HMGXB4: variants seen among roughly 807,000 people sequenced by gnomAD.
HMGXB4 encodes HMG domain-containing protein 4.
Under a neutral mutation model 63.9 loss-of-function variants are expected in HMGXB4, and 27 were observed. That is an observed-to-expected ratio of 0.42 (90% confidence interval 0.31 to 0.58). The LOEUF is 0.58. Among genes scored for constraint, HMGXB4 ranks in the 20% least tolerant of loss-of-function variants. The pLI, the probability that HMGXB4 is intolerant of heterozygous loss-of-function variation, is 0.13. For missense variants in HMGXB4, 624 were observed against 700.7 expected, an observed-to-expected ratio of 0.89 and a Z score of 1.24; for synonymous variants, 264 against 265.3, an observed-to-expected ratio of 0.99 and a Z score of 0.05.
rs1159851529 is a variant in HMGXB4 at position 35,295,132 on chromosome 22, T to G, written c.*1481T>G. On this transcript the variant is annotated 3_prime_UTR_variant, in exon 11 of 11. Coordinates refer to ENST00000216106, the MANE Select transcript of HMGXB4 (RefSeq NM_001003681.3). Reference sequence around the variant, plus strand: ...ACCAAGCTCTGAGTTAACTGTGCTTTCTTCTCCTGGCCCTGACAGAGCACT... The same window carrying G: ...ACCAAGCTCTGAGTTAACTGTGCTTGCTTCTCCTGGCCCTGACAGAGCACT... 2 of 152,222 alleles carry G rather than the reference T, an allele frequency of 1.3e-5. No individual in the cohort carries two copies. The highest frequency in any genetic ancestry group is 4.8e-5 in the African/African-American group (2 of 41,458). 9.4% of individuals were successfully genotyped at this position (152,222 alleles called of 1,614,324 possible). A position where few individuals can be genotyped will look rare whatever the true frequency, so the allele number is the denominator to read the frequency against.
At chr22:35,279,843 T>C (rs993235067) in intron 5 of HMGXB4, among the ~76,000 whole-genome samples, 1 of 152,184 alleles carries the variant, frequency 6.6e-6, no homozygotes, top group Non-Finnish European at 1.5e-5. Context: ...GTTCCATTGA[T>C]GTATTTGTGT....
At chr22:35,285,102 G>T (rs1924485213) in intron 6 of HMGXB4, among the ~76,000 whole-genome samples, 1 of 152,086 alleles carries the variant, frequency 6.6e-6, no homozygotes, top group African/African-American at 2.4e-5. Context: ...TTGTATTGTG[G>T]GATCAAATTA....
chr22:35,244,843 A>G, the HMGXB4 span, among the ~76,000 whole-genome samples: 1 of 152,196 alleles, frequency 6.6e-6, no homozygotes, highest in South Asian at 2.1e-4. Context: ...TGTTCAGTAT[A>G]CTCTCGTAAC....
intron 5 of HMGXB4, among the ~76,000 whole-genome samples, chr22:35,272,803 G>A (rs375638484): frequency 6.0e-4 from 91 of 152,204 alleles, no homozygotes; most frequent in Middle Eastern, 3.4e-3. Context: ...GCGTGGTGGC[G>A]CGTGCCTGTA....
upstream of HMGXB4, among the ~76,000 whole-genome samples, chr22:35,254,409 A>T (rs1469672085): frequency 6.6e-6 from 1 of 152,252 alleles, no homozygotes; most frequent in African/African-American, 2.4e-5. Context: ...AAGCACTTGA[A>T]TACATTCAAG....
In HMGXB4 at chr22:35,265,347, A is replaced by C; in HGVS notation, c.959A>C (p.Lys320Thr). Residue 320 changes from lysine (K) to threonine (T), a missense_variant, in exon 5 of 11, where the codon AAG becomes ACG. Lys to Thr is a moderately conservative substitution (Grantham distance 78). Transcript: ENST00000216106. ...DDSYREIKKKKKSKKSKKKKD... is the reference protein window; with the variant it reads ...DDSYREIKKKTKSKKSKKKKD... ...TCTTACCGAGAAATCAAGAAGAAAA[A>C]GAAGTCAAAGAAGAGCAAAAAGAAG... 6.2e-7 allele frequency: 1 copy of C among 1,614,040 alleles called. No individual in the cohort carries two copies. The highest frequency in any genetic ancestry group is 1.3e-5 in the African/African-American group (1 of 75,016).
chr22:35,270,420 T>G (rs995381498), intron 5 of HMGXB4, among the ~76,000 whole-genome samples: 1 of 152,216 alleles, frequency 6.6e-6, no homozygotes, highest in Non-Finnish European at 1.5e-5. Context: ...GTATAATTAT[T>G]TCATTATATG....
chr22:35,292,403 C>T (rs1924986123), intron 9 of HMGXB4, among the ~76,000 whole-genome samples: 2 of 152,306 alleles, frequency 1.3e-5, no homozygotes, highest in African/African-American at 4.8e-5. Context: ...TCTCACACTG[C>T]TTCTAGTTAA....
intron 9 of HMGXB4, among the ~76,000 whole-genome samples, chr22:35,288,829 T>C (rs934091737): frequency 2.4e-4 from 36 of 152,190 alleles, no homozygotes; most frequent in African/African-American, 8.2e-4. Context: ...AAAATACATA[T>C]ATTCAAAAAA....
intron 2 of HMGXB4, chr22:35,262,633 T>G: frequency 1.7e-6 from 1 of 591,028 alleles, no homozygotes; most frequent in Non-Finnish European, 3.0e-6. Flanking sequence ...GAGTCTGAAA[T>G]ATGAGTCTCT....
chr22:35,241,676 T>A, the HMGXB4 span, among the ~76,000 whole-genome samples: 5 of 152,188 alleles, frequency 3.3e-5, no homozygotes, highest in African/African-American at 1.2e-4. Context: ...GTCAAGAACT[T>A]CCTCAAACAG....
the HMGXB4 span, among the ~76,000 whole-genome samples, chr22:35,244,944 C>T: frequency 6.6e-6 from 1 of 152,176 alleles, no homozygotes; most frequent in Admixed American, 6.5e-5. Flanking sequence ...AGTTTCTTTA[C>T]AGCACTGGGG....
chr22:35,256,075 A>G (rs1053056409), upstream of HMGXB4, among the ~76,000 whole-genome samples: 2 of 152,350 alleles, frequency 1.3e-5, no homozygotes, highest in African/African-American at 2.4e-5. Context: ...TCAATCTTCT[A>G]CTCAGTGCAG....
In HMGXB4 at chr22:35,288,225, G is replaced by T; in HGVS notation, c.1469-13G>T. The T allele has an allele frequency of 6.8e-7, 1 of 1,477,540 alleles. No individual in the cohort carries two copies. Among genetic ancestry groups the T allele is most frequent in the East Asian group, 2.5e-5 (1 of 40,594 alleles). 91.5% of individuals were successfully genotyped at this position (1,477,540 alleles called of 1,614,324 possible). A position where few individuals can be genotyped will look rare whatever the true frequency, so the allele number is the denominator to read the frequency against. On this transcript the variant is annotated splice_polypyrimidine_tract_variant and intron_variant, in intron 8 of 10. Transcript: ENST00000216106. ...GCAAGTTTTACCTGTCTGCCTCATT[G>T]CTCTGTTCTCAGCCTCTTCTGTAGG...
rs780027658 is a variant in HMGXB4 at position 35,264,951 on chromosome 22, A to T, written c.563A>T (p.Asp188Val). 6.2e-7 allele frequency: 1 copy of T among 1,613,860 alleles called. No individual in the cohort carries two copies. Among genetic ancestry groups the T allele is most frequent in the East Asian group, 2.2e-5 (1 of 44,824 alleles). ...GAGACACTGACCCTTCGGGAGCCTG[A>T]TGGTTTAAAAATGAAACTTATTCTG... The part of the protein sequence containing the change: ...NTETLTLREP[D>V]GLKMKLILSP... The change falls in exon 5 of 11, where the codon GAT becomes GTT. Residue 188 changes from aspartate to valine, a missense_variant. This residue lies in a region of HMGXB4 where 472 missense variants were observed against 470.6 expected (regional missense o/e 1.00). Coordinates refer to ENST00000216106, the MANE Select transcript of HMGXB4 (RefSeq NM_001003681.3).
Position 35,268,524 on chromosome 22 carries a change from C to T in HMGXB4, c.1215+2921C>T, listed in dbSNP as rs551105800. ...GAGTAATCTTAATCTTAAGTAGCAC[C>T]TTGATGACGGCAGTCCTGTGTTCTG... On this transcript the variant is annotated intron_variant, in intron 5 of 10. Transcript: ENST00000216106. Among the ~76,000 whole-genome samples, 3 of 152,190 alleles carry T rather than the reference C, an allele frequency of 2.0e-5. No homozygotes were observed. The South Asian group carries it at 6.2e-4, about 32-fold the overall frequency.
At chr22:35,263,286 CAG>C (rs1922979109) in intron 3 of HMGXB4, 60 bp downstream of exon 3, 3 of 1,357,510 alleles carry the variant, frequency 2.2e-6, no homozygotes, top group Non-Finnish European at 3.1e-6. Flanking sequence ...TTTGGTGATG[CAG>C]AGTTTTTTTT....
intron 7 of HMGXB4, chr22:35,287,135 GA>G (rs1264621845): frequency 8.0e-6 from 4 of 502,620 alleles, no homozygotes; most frequent in Admixed American, 6.5e-5. Flanking sequence ...CATTAGCATT[GA>G]GGAATGTTTA....
At chr22:35,273,393 C>G (rs781748513) in intron 5 of HMGXB4, among the ~76,000 whole-genome samples, 1 of 152,206 alleles carries the variant, frequency 6.6e-6, no homozygotes, top group Non-Finnish European at 1.5e-5. Flanking sequence ...GATTCTTACT[C>G]TGGTCTGCCA....
Sources: allele counts gnomAD v4.1 joint callset (sites outside exome capture counted in the v4.1 genomes callset), GRCh38; gene constraint gnomAD v4.1.1; regional missense constraint gnomAD v4.1.1; transcripts MANE v1.5; gene names NCBI Gene and HGNC (gene_info 2026-07-23, HGNC 2026-07-21).